The following CERS4 variants were observed in gnomAD, a reference collection of about 807,000 sequenced individuals.
The protein encoded by CERS4 is LAG1 homolog, ceramide synthase 4.
CERS4 carries 65 observed loss-of-function variants against 51.8 expected under a neutral mutation model. The observed-to-expected ratio is 1.26, with a 90% CI of 1.03 to 1.54. The LOEUF (loss-of-function observed/expected upper bound fraction) is 1.54. CERS4 is among the 40% of genes most tolerant of loss of function. The probability of loss-of-function intolerance (pLI) is 0.00; values close to 1 mark genes in which losing one functional copy is unlikely to be tolerated. For missense variants in CERS4, 563 were observed against 500.4 expected, an observed-to-expected ratio of 1.13 and a Z score of -1.19; for synonymous variants, 228 against 208.4, an observed-to-expected ratio of 1.09 and a Z score of -0.81.
intron 2 of CERS4, among the ~76,000 whole-genome samples, chr19:8,215,755 G>C (rs901453317): frequency 6.6e-6 from 1 of 152,264 alleles, no homozygotes; most frequent in African/African-American, 2.4e-5. Flanking sequence ...AACTGGGAGG[G>C]GGCATCCCTT....
intron 10 of CERS4, among the ~76,000 whole-genome samples, chr19:8,259,071 T>G (rs2145335403): frequency 6.7e-6 from 1 of 149,374 alleles, no homozygotes; most frequent in East Asian, 2.0e-4. Flanking sequence ...GAGGCAGAGG[T>G]TGCAGTGAGC....
chr19:8,215,300 G>A (rs1226037190), intron 2 of CERS4, among the ~76,000 whole-genome samples: 1 of 151,994 alleles, frequency 6.6e-6, no homozygotes, highest in African/African-American at 2.4e-5. Context: ...CCAACATGGC[G>A]AAACCCTGTC....
intron 2 of CERS4, among the ~76,000 whole-genome samples, chr19:8,232,889 A>ATTT (rs34774744): frequency 3.4e-5 from 2 of 59,172 alleles, no homozygotes; most frequent in African/African-American, 6.6e-5. Flanking sequence ...TGCCTCGCTG[A>ATTT]TTTTTTTTTT....
chr19:8,220,271 G>C (rs925763847), intron 2 of CERS4, among the ~76,000 whole-genome samples: 1 of 151,602 alleles, frequency 6.6e-6, no homozygotes, highest in African/African-American at 2.4e-5. Flanking sequence ...CCTCCCCGAG[G>C]CTCCTGTCTC....
rs36260 is a variant in CERS4, at chr19:8,262,277, A to G, written c.*168A>G. ...TCCAGCCCCTTCCTTCTGCCCACCCACCCTTCTTCCCTCTGGGCAACTGGA... is the reference window on the plus strand; with the variant it reads ...TCCAGCCCCTTCCTTCTGCCCACCCGCCCTTCTTCCCTCTGGGCAACTGGA... On this transcript the variant is annotated 3_prime_UTR_variant, in exon 12 of 12. Coordinates refer to ENST00000251363, the MANE Select transcript of CERS4 (RefSeq NM_024552.3). The G allele has an allele frequency of 0.45, 283,939 of 630,022 alleles. 65,797 individuals are homozygous for G. The highest frequency in any genetic ancestry group is 0.58 in the Admixed American group (15,365 of 26,292). 39.0% of individuals were successfully genotyped at this position (630,022 alleles called of 1,614,324 possible).
intron 2 of CERS4, among the ~76,000 whole-genome samples, chr19:8,236,895 A>C: frequency 6.9e-6 from 1 of 144,666 alleles, no homozygotes; most frequent in East Asian, 2.2e-4. Context: ...CCAGCTACTC[A>C]GTGTGGCTGA....
chr19:8,258,871 C>T (rs1269180963), intron 10 of CERS4, among the ~76,000 whole-genome samples: 3 of 148,522 alleles, frequency 2.0e-5, no homozygotes, highest in Admixed American at 6.7e-5. Flanking sequence ...TGATGGCTCA[C>T]GCCTGTCATC....
intron 2 of CERS4, among the ~76,000 whole-genome samples, chr19:8,234,726 G>A (rs1301284901): frequency 7.1e-6 from 1 of 139,890 alleles, no homozygotes; most frequent in African/African-American, 2.6e-5. Context: ...GCTAATTTTT[G>A]CATTTTTAGT....
At chr19:8,226,103 G>A (rs1213366441) in intron 2 of CERS4, among the ~76,000 whole-genome samples, 2 of 151,894 alleles carry the variant, frequency 1.3e-5, no homozygotes, top group Non-Finnish European at 2.9e-5. Flanking sequence ...AGGCTGAGAC[G>A]GGAGAATCGC....
intron 2 of CERS4, chr19:8,238,436 G>C (rs763188795): frequency 1.1e-6 from 1 of 873,936 alleles, no homozygotes; most frequent in Non-Finnish European, 1.4e-6. Context: ...TTGGAAAAAG[G>C]GCACTGATGC....
At chr19:8,245,682 G>A (rs992428489) in intron 2 of CERS4, among the ~76,000 whole-genome samples, 7 of 151,730 alleles carry the variant, frequency 4.6e-5, no homozygotes, top group African/African-American at 1.7e-4. Flanking sequence ...TGGGATTACA[G>A]GTGCCCACCA....
chr19:8,261,566 G>C, intron 10 of CERS4, 122 bp from the exon 11 acceptor site: 1 of 1,111,230 alleles, frequency 9.0e-7, no homozygotes, highest in East Asian at 2.4e-5. Flanking sequence ...CATGGGGTGG[G>C]GGGCACTAGG....
At chr19:8,212,225 C>T (rs1372249411) in intron 2 of CERS4, among the ~76,000 whole-genome samples, 2 of 152,024 alleles carry the variant, frequency 1.3e-5, no homozygotes, top group African/African-American at 2.4e-5. Context: ...CTGCAGGGGT[C>T]GAAGGCAGGA....
At chr19:8,216,362 G>C (rs1316759907) in intron 2 of CERS4, among the ~76,000 whole-genome samples, 2 of 149,692 alleles carry the variant, frequency 1.3e-5, no homozygotes, top group African/African-American at 2.5e-5. Context: ...CTGGGCGACA[G>C]AGAGAGATTT....
chr19:8,212,171 G>T (rs1967107421), intron 2 of CERS4, among the ~76,000 whole-genome samples: 1 of 152,202 alleles, frequency 6.6e-6, no homozygotes, highest in South Asian at 2.1e-4. Flanking sequence ...CAGCCTGCCA[G>T]CCTTGAACAA....
intron 2 of CERS4, among the ~76,000 whole-genome samples, chr19:8,240,852 C>T (rs1968508583): frequency 6.6e-6 from 1 of 152,162 alleles, no homozygotes; most frequent in African/African-American, 2.4e-5. Flanking sequence ...GCCCCCTAAC[C>T]CACCTCCCGT....
At chr19:8,240,757 C>T (rs1204284253) in intron 2 of CERS4, among the ~76,000 whole-genome samples, 3 of 152,104 alleles carry the variant, frequency 2.0e-5, no homozygotes, top group South Asian at 2.1e-4. Flanking sequence ...TGAGCAGTGC[C>T]AGGGTCCTTG....
chr19:8,209,521 A>G (rs1031156059), intron 1 of CERS4, 27 bp downstream of exon 1: 3 of 151,188 alleles, frequency 2.0e-5, no homozygotes, highest in Non-Finnish European at 2.9e-5. Flanking sequence ...CGCCGCGAAC[A>G]CCGCCCCGAA....
chr19:8,217,930 C>T (rs941635445), intron 2 of CERS4, among the ~76,000 whole-genome samples: 6 of 152,188 alleles, frequency 3.9e-5, no homozygotes, highest in African/African-American at 1.4e-4. Flanking sequence ...GCCTCATCCT[C>T]CCAAAGTGCT....
Sources: allele counts gnomAD v4.1 joint callset (sites outside exome capture counted in the v4.1 genomes callset), GRCh38; gene constraint gnomAD v4.1.1; transcripts MANE v1.5; gene names NCBI Gene and HGNC (gene_info 2026-07-23, HGNC 2026-07-21).